Variants in RNF207 observed in about 807,000 individuals in gnomAD.
The protein encoded by RNF207 is ring finger protein 207, also known as OTTHUMG00000001089.
A neutral mutation model predicts 79.0 loss-of-function variants in RNF207; 72 were observed. The observed-to-expected ratio is 0.91, with a 90% CI of 0.75 to 1.11. The LOEUF (loss-of-function observed/expected upper bound fraction) is 1.11, where lower values mean the gene tolerates loss of function less well. RNF207 is among the 50% of genes least tolerant of loss of function. The pLI, the probability that RNF207 is intolerant of heterozygous loss-of-function variation, is 0.00. For synonymous variants in RNF207, 348 were observed against 366.2 expected, an observed-to-expected ratio of 0.95 and a Z score of 0.57; for missense variants, 936 against 855.8, an observed-to-expected ratio of 1.09 and a Z score of -1.17.
Position 6,212,670 on chromosome 1 carries a change from T to C in RNF207, c.1483-12T>C. The C allele has an allele frequency of 6.2e-7, 1 of 1,612,680 alleles. No homozygotes were observed. The highest frequency in any genetic ancestry group is 8.5e-7 in the Non-Finnish European group (1 of 1,178,730). On this transcript the variant is annotated splice_polypyrimidine_tract_variant and intron_variant, in intron 14 of 17. Transcript: ENST00000377939. ...TCACTGCCACATCCAATGTCCAGCT[T>C]TTCTCTTTCAGATTTGGGAGGAAGC... is the stretch of plus-strand genomic sequence containing the variant.
rs1405423051 is a variant in RNF207, at chr1:6,220,325, C to T, written c.*918C>T. The stretch of plus-strand genomic sequence containing the variant: ...CCTCGCTAGTTCCACACCTACGCAC[C>T]GAGCGTCGGTGTGCCAGGCCCTGTG... On this transcript the variant is annotated 3_prime_UTR_variant, in exon 18 of 18. Coordinates refer to ENST00000377939, the MANE Select transcript of RNF207 (RefSeq NM_207396.3). The T allele has an allele frequency of 6.6e-6, 1 of 152,180 alleles. No homozygotes were observed. The highest frequency in any genetic ancestry group is 1.9e-4 in the East Asian group (1 of 5,192). The allele number at this position is 152,180 out of a possible 1,614,324, so 9.4% of individuals were successfully genotyped here.
intron 11 of RNF207, 34 bp downstream of exon 11, chr1:6,210,972 G>A (rs369156867): frequency 1.0e-4 from 159 of 1,597,616 alleles, no homozygotes; most frequent in Non-Finnish European, 1.3e-4. Context: ...AGGGTCGGGG[G>A]CCCTGCAGGG....
intron 17 of RNF207, among the ~76,000 whole-genome samples, 198 bp from the exon 18 acceptor site, chr1:6,219,037 CT>C (rs1463974180): frequency 6.6e-6 from 1 of 152,150 alleles, no homozygotes; most frequent in African/African-American, 2.4e-5. Flanking sequence ...GGTTCAGCAA[CT>C]CACAGCCATC....
In RNF207 at chr1:6,209,538, A is replaced by G; in HGVS notation, c.752A>G (p.Gln251Arg). The part of the protein sequence containing the change: ...DAIHALFGSM[Q>R]DRLAERKALL... The stretch of plus-strand genomic sequence containing the variant: ...ATCCACGCCCTCTTCGGCAGCATGC[A>G]GGTGAGGGGTGGGGGTTGGGGGATA... Residue 251 changes from glutamine (Q) to arginine (R), a missense_variant and splice_region_variant, in exon 7 of 18, where the codon CAG becomes CGG. Coordinates refer to ENST00000377939, the MANE Select transcript of RNF207 (RefSeq NM_207396.3). 1 of 1,458,094 alleles carries G rather than the reference A, an allele frequency of 6.9e-7. No individual in the cohort carries two copies. The highest frequency in any genetic ancestry group is 1.5e-5 in the South Asian group (1 of 68,696). The allele number at this position is 1,458,094 out of a possible 1,614,324, so 90.3% of individuals were successfully genotyped here. A position where few individuals can be genotyped will look rare whatever the true frequency, so the allele number is the denominator to read the frequency against.
rs1668055313 is a variant in RNF207 at position 6,209,332 on chromosome 1, C to A, written c.616C>A (p.Gln206Lys). 2.6e-6 allele frequency: 4 copies of A among 1,544,962 alleles called. No homozygotes were observed. The highest frequency in any genetic ancestry group is 2.4e-5 in the East Asian group (1 of 40,920). Residue 206 changes from glutamine to lysine, a missense_variant, in exon 6 of 18, where the codon CAG becomes AAG. Coordinates refer to ENST00000377939, the MANE Select transcript of RNF207 (RefSeq NM_207396.3). ...AYVQGCERLE[Q>K]AVLAVKALQT... is the part of the protein sequence containing the mutation. The stretch of plus-strand genomic sequence containing the variant: ...CGTGCAGGGCTGCGAGCGGCTGGAG[C>A]AGGCGGTGCTGGTGAGCGCAGGGGC...
At chr1:6,206,754 C>T (rs1278682304) in intron 2 of RNF207, 28 bp downstream of exon 2, 2 of 1,584,830 alleles carry the variant, frequency 1.3e-6, no homozygotes, top group Non-Finnish European at 1.7e-6. Context: ...CCCCAAAACC[C>T]CCCAGACCCC....
At chr1:6,212,551 A>G in intron 14 of RNF207, 131 bp from the exon 15 acceptor site, 1 of 1,235,354 alleles carries the variant, frequency 8.1e-7, no homozygotes, top group Non-Finnish European at 1.2e-6. Flanking sequence ...GGAAACTGGG[A>G]GTCTTTGCTG....
At chr1:6,219,132 C>A in intron 17 of RNF207, 104 bp from the exon 18 acceptor site, 1 of 1,049,694 alleles carries the variant, frequency 9.5e-7, no homozygotes. Context: ...TGAGGCCTTC[C>A]AGGAAGACGT....
At chr1:6,214,350 C>G (rs950300671) in intron 16 of RNF207, among the ~76,000 whole-genome samples, 1 of 151,822 alleles carries the variant, frequency 6.6e-6, no homozygotes, top group African/African-American at 2.4e-5. Flanking sequence ...AGGTTGGATA[C>G]TGGCAGGCTC....
rs925437388 is a variant in RNF207, at chr1:6,211,422, G to A, written c.1109+304G>A. On this transcript the variant is annotated intron_variant, in intron 12 of 17. Coordinates refer to ENST00000377939, the MANE Select transcript of RNF207 (RefSeq NM_207396.3). The surrounding 1 kb of genome is among the most constrained non-coding windows in gnomAD (Gnocchi z 4.2). ...ACTGCAGCCTCCCCTGGGGTGGGGCGCCTGGGGCTGGGCTGACCGCCACCT... is the reference window on the plus strand; with the variant it reads ...ACTGCAGCCTCCCCTGGGGTGGGGCACCTGGGGCTGGGCTGACCGCCACCT... Among the ~76,000 whole-genome samples the A allele has an allele frequency of 3.9e-5, 6 of 152,278 alleles. No individual in the cohort carries two copies. The highest frequency in any genetic ancestry group is 2.1e-4 in the South Asian group (1 of 4,826).
intron 15 of RNF207, 26 bp from the exon 16 acceptor site, chr1:6,213,040 C>T (rs1360779683): frequency 2.1e-6 from 3 of 1,462,520 alleles, no homozygotes; most frequent in Admixed American, 3.4e-5. Flanking sequence ...GGATTAAGAC[C>T]CCATGCTCTG....
intron 16 of RNF207, among the ~76,000 whole-genome samples, chr1:6,213,672 A>G (rs1486212647): frequency 6.6e-6 from 1 of 152,150 alleles, no homozygotes; most frequent in Non-Finnish European, 1.5e-5. Flanking sequence ...TCCAACCCTC[A>G]GGAGTAGGTC....
At chr1:6,210,025 A>G in intron 8 of RNF207, 55 bp downstream of exon 8, 1 of 1,509,168 alleles carries the variant, frequency 6.6e-7, no homozygotes, top group Non-Finnish European at 9.0e-7. Flanking sequence ...CCATGGCCTC[A>G]GCTCAGAGCC....
intron 3 of RNF207, chr1:6,208,566 C>T: frequency 3.0e-6 from 1 of 336,444 alleles, no homozygotes; most frequent in Non-Finnish European, 5.4e-6. Context: ...CTCGGCCTCC[C>T]AAATTGTTGG....
rs543601566 is a variant in RNF207 at position 6,210,409 on chromosome 1, A to G, written c.913A>G (p.Asn305Asp). ...VICSSFLSLA[N>D]KAEFLDLGYE... ...CTGCTCCTCCTTCCTCAGCTTGGCC[A>G]ACAAGGCTGAGTTCCTGGACCTGGG... Residue 305 changes from asparagine (N) to aspartate (D), a missense_variant, in exon 10 of 18, where the codon AAC becomes GAC. By Grantham distance (23) the Asn-to-Asp change is conservative. Coordinates refer to ENST00000377939, the MANE Select transcript of RNF207 (RefSeq NM_207396.3). The G allele has an allele frequency of 3.6e-4, 581 of 1,613,608 alleles. 8 individuals are homozygous for G. The South Asian group carries it at 6.1e-3, about 17-fold the overall frequency.
Position 6,209,921 on chromosome 1 carries a change from CAG to C in RNF207, c.754-2_754-1del. The C allele has an allele frequency of 5.7e-6, 9 of 1,588,192 alleles. No homozygotes were observed. The highest frequency in any genetic ancestry group is 5.1e-6 in the Non-Finnish European group (6 of 1,167,622). On this transcript the variant is annotated splice_acceptor_variant, in intron 7 of 17. Coordinates refer to ENST00000377939, the MANE Select transcript of RNF207 (RefSeq NM_207396.3). LOFTEE classifies it high-confidence loss of function. ...TCAAGAGCATGCTCGCCATCTCTCC[CAG>C]GACAGGCTGGCAGAGAGGAAAGCGC...
chr1:6,212,533 C>A (rs942085877), intron 14 of RNF207, 117 bp downstream of exon 14: 4 of 1,257,118 alleles, frequency 3.2e-6, no homozygotes, highest in African/African-American at 3.0e-5. Flanking sequence ...CCTCATGTGG[C>A]AGGGTCTGGA....
chr1:6,206,820 T>A, intron 2 of RNF207, 94 bp downstream of exon 2: 2 of 1,022,818 alleles, frequency 2.0e-6, no homozygotes, highest in Non-Finnish European at 1.4e-6. Context: ...GCCAGGAGAG[T>A]AAGGCTCCAA....
intron 16 of RNF207, among the ~76,000 whole-genome samples, chr1:6,213,712 C>T (rs111668604): frequency 4.6e-5 from 7 of 152,268 alleles, no homozygotes; most frequent in African/African-American, 1.4e-4. Context: ...AAGGGTGTCA[C>T]GAGGGTCCTG....
Sources: allele counts gnomAD v4.1 joint callset (sites outside exome capture counted in the v4.1 genomes callset), GRCh38; gene constraint gnomAD v4.1.1; non-coding constraint Gnocchi (gnomAD v3.1); transcripts MANE v1.5; gene names NCBI Gene and HGNC (gene_info 2026-07-23, HGNC 2026-07-21).